CCSAP: variants seen among roughly 807,000 people sequenced by gnomAD.
The protein encoded by CCSAP is centriole, cilia and spindle-associated protein.
A neutral mutation model predicts 25.9 loss-of-function variants in CCSAP; 17 were observed. That is an observed-to-expected ratio of 0.66 (90% confidence interval 0.45 to 0.99). The LOEUF (loss-of-function observed/expected upper bound fraction) is 0.99, where lower values mean the gene tolerates loss of function less well. Among genes scored for constraint, CCSAP ranks in the 50% least tolerant of loss-of-function variants. The pLI, the probability that CCSAP is intolerant of heterozygous loss-of-function variation, is 0.00. For synonymous variants in CCSAP, 169 were observed against 157.1 expected (o/e 1.08, Z -0.57); for missense variants, 339 against 367.8 (o/e 0.92, Z 0.64).
intron 2 of CCSAP, among the ~76,000 whole-genome samples, chr1:229,333,170 C>T (rs547525251): frequency 1.6e-4 from 24 of 152,180 alleles, no homozygotes; most frequent in South Asian, 4.1e-4. Flanking sequence ...CGGTGGCTCA[C>T]GCCTATAATC....
At position 229,342,274 on chromosome 1, in the gene CCSAP, T is replaced by C. The variant is rs775979513; in HGVS notation, c.192A>G (p.Ser64=). ...PAGSSEDSAS[S]ESSGAGGPAP... ...CGGGGCCCCCGGCGCCCGACGACTC[T>C]GACGACGCCGAGTCCTCCGAGGAGC... Residue 64 remains serine, a synonymous_variant, in exon 2 of 4, where the codon TCA becomes TCG. Transcript: ENST00000284617. This position sits in a 1 kb window ranked among gnomAD's most constrained non-coding sequence, Gnocchi z 7.5. 1.5e-6 allele frequency: 2 copies of C among 1,340,904 alleles called. No homozygotes were observed. The highest frequency in any genetic ancestry group is 1.5e-5 in the African/African-American group (1 of 66,096). 83.1% of individuals were successfully genotyped at this position (1,340,904 alleles called of 1,614,324 possible).
chr1:229,341,773 G>T (rs886871226), intron 2 of CCSAP, among the ~76,000 whole-genome samples: 1 of 152,004 alleles, frequency 6.6e-6, no homozygotes, highest in Non-Finnish European at 1.5e-5. Flanking sequence ...AAGCAGATGG[G>T]ACTCAGTGGT....
intron 2 of CCSAP, among the ~76,000 whole-genome samples, chr1:229,337,698 T>TACAC (rs58144091): frequency 1.5e-4 from 9 of 60,676 alleles, no homozygotes; most frequent in Non-Finnish European, 2.8e-4. Flanking sequence ...TATATATATA[T>TACAC]ACACATACAT....
At chr1:229,335,745 G>T (rs573560283) in intron 2 of CCSAP, among the ~76,000 whole-genome samples, 1 of 152,216 alleles carries the variant, frequency 6.6e-6, no homozygotes, top group South Asian at 2.1e-4. Context: ...GCCCAGCCGG[G>T]TCCCTCCAGC....
At position 229,338,927 on chromosome 1, in the gene CCSAP, C is replaced by T. The variant is rs532030629; in HGVS notation, c.367+3172G>A. 6.6e-5 allele frequency among the ~76,000 whole-genome samples: 10 copies of T among 151,628 alleles called. 1 individual carries two copies. In the South Asian group the frequency reaches 2.1e-3, roughly 32 times the overall value. On this transcript the variant is annotated intron_variant, in intron 2 of 3. Coordinates refer to ENST00000284617, the MANE Select transcript of CCSAP (RefSeq NM_145257.5). ...CTTACATTTAAAAGAAAAATAGGAT[C>T]CCTCAAATGGAAAATGTAATAAGAG...
intron 2 of CCSAP, among the ~76,000 whole-genome samples, chr1:229,337,596 TAAAG>T (rs931564106): frequency 1.3e-4 from 18 of 142,352 alleles, no homozygotes; most frequent in African/African-American, 3.4e-4. Flanking sequence ...AGGGAAATAA[TAAAG>T]AAAGCCCAGT....
chr1:229,331,831 T>TATTATTA (rs71173714), intron 2 of CCSAP, among the ~76,000 whole-genome samples: 1 of 147,152 alleles, frequency 6.8e-6, no homozygotes. Flanking sequence ...TTATTATTAT[T>TATTATTA]TTGAGACAGA....
chr1:229,328,107 CCTTT>C (rs1415791806), intron 2 of CCSAP, among the ~76,000 whole-genome samples: 3 of 152,138 alleles, frequency 2.0e-5, no homozygotes, highest in Non-Finnish European at 2.9e-5. Context: ...ATTTTGTAAG[CCTTT>C]CTTTTTATGA....
At chr1:229,341,838 G>A (rs1213494710) in intron 2 of CCSAP, among the ~76,000 whole-genome samples, 1 of 152,034 alleles carries the variant, frequency 6.6e-6, no homozygotes, top group African/African-American at 2.4e-5. Flanking sequence ...AGGCCCGCGA[G>A]GAAAGACCCC....
chr1:229,342,542 C>T lies in CCSAP; in HGVS notation c.-48-29G>A. 2 of 979,880 alleles carry T rather than the reference C, an allele frequency of 2.0e-6. No homozygotes were observed. The highest frequency in any genetic ancestry group is 2.7e-6 in the Non-Finnish European group (2 of 754,550). 60.7% of individuals were successfully genotyped at this position (979,880 alleles called of 1,614,324 possible). On this transcript the variant is annotated intron_variant, in intron 1 of 3. Coordinates refer to ENST00000284617, the MANE Select transcript of CCSAP (RefSeq NM_145257.5). This position sits in a 1 kb window ranked among gnomAD's most constrained non-coding sequence, Gnocchi z 7.5. ...CGGGACCCGGTACACGACACAGAGG[C>T]CGCCCCGCCCCTCCGCCGGCCCTGC...
At chr1:229,327,623 A>G in intron 2 of CCSAP, 3 of 455,218 alleles carry the variant, frequency 6.6e-6, no homozygotes, top group Non-Finnish European at 1.3e-5. Flanking sequence ...TAATCCCAGC[A>G]CTTTGGGAGG....
In CCSAP at chr1:229,321,982, T is replaced by C. The variant is rs997911951; in HGVS notation, c.*3253A>G. ...ATTGTATTAGGTATTTTAAGTAATC[T>C]AGAGATGATTTAAAGCATACAGGAG... On this transcript the variant is annotated 3_prime_UTR_variant, in exon 4 of 4. Coordinates refer to ENST00000284617, the MANE Select transcript of CCSAP (RefSeq NM_145257.5). 2.6e-5 allele frequency: 4 copies of C among 152,202 alleles called. No homozygotes were observed. Among genetic ancestry groups the C allele is most frequent in the Non-Finnish European group, 5.9e-5 (4 of 68,036 alleles). The allele number at this position is 152,202 out of a possible 1,614,324, so 9.4% of individuals were successfully genotyped here. A position where few individuals can be genotyped will look rare whatever the true frequency, so the allele number is the denominator to read the frequency against.
intron 2 of CCSAP, among the ~76,000 whole-genome samples, chr1:229,341,179 G>C (rs1309597348): frequency 8.1e-6 from 1 of 123,732 alleles, no homozygotes; most frequent in Non-Finnish European, 1.6e-5. Flanking sequence ...GGGCCACAGA[G>C]CGAGACTCCG....
intron 3 of CCSAP, 75 bp from the exon 4 acceptor site, chr1:229,325,486 G>T: frequency 1.4e-6 from 2 of 1,391,266 alleles, no homozygotes; most frequent in Non-Finnish European, 2.0e-6. Context: ...TTGCAATGAA[G>T]CTGGCTACTG....
intron 2 of CCSAP, chr1:229,327,493 A>G (rs1446210667): frequency 4.4e-6 from 2 of 455,962 alleles, no homozygotes; most frequent in East Asian, 1.4e-4. Flanking sequence ...CCTTCATTCA[A>G]AAGCCCCTCC....
chr1:229,332,856 G>A (rs1571853509), intron 2 of CCSAP, among the ~76,000 whole-genome samples: 2 of 152,138 alleles, frequency 1.3e-5, no homozygotes, highest in African/African-American at 4.8e-5. Flanking sequence ...CATCATCACA[G>A]AGAGAGCTGT....
rs1344490665 is a variant in CCSAP at position 229,340,546 on chromosome 1, A to G, written c.367+1553T>C. The G allele has an allele frequency of 1.6e-5, 11 of 674,102 alleles. No individual in the cohort carries two copies. The East Asian group carries it at 2.7e-4, about 17-fold the overall frequency. The allele number at this position is 674,102 out of a possible 1,614,324, so 41.8% of individuals were successfully genotyped here. ...ATTTAGCCTGATAAAGTACATCTCAATTTAGCTAGCAGATCAGTACCCACA... is the reference window on the plus strand; with the variant it reads ...ATTTAGCCTGATAAAGTACATCTCAGTTTAGCTAGCAGATCAGTACCCACA... On this transcript the variant is annotated intron_variant, in intron 2 of 3. Coordinates refer to ENST00000284617, the MANE Select transcript of CCSAP (RefSeq NM_145257.5).
chr1:229,332,931 A>G (rs1386829708), intron 2 of CCSAP, among the ~76,000 whole-genome samples: 1 of 152,196 alleles, frequency 6.6e-6, no homozygotes. Flanking sequence ...ATGGATATAT[A>G]TAGAACACTG....
intron 3 of CCSAP, 34 bp downstream of exon 3, chr1:229,326,704 A>G (rs772276997): frequency 7.3e-5 from 118 of 1,609,286 alleles, no homozygotes; most frequent in Non-Finnish European, 9.0e-5. Flanking sequence ...CCACTCTCAA[A>G]GGGAACACAG....
Sources: gnomAD v4.1 joint callset for allele counts (sites outside exome capture counted in the v4.1 genomes callset) on GRCh38, gnomAD v4.1.1 for gene constraint, Gnocchi (gnomAD v3.1) non-coding constraint, MANE v1.5 for transcripts, NCBI Gene and HGNC (gene_info 2026-07-23, HGNC 2026-07-21) for gene names.